The following CWF19L1 variants were observed in gnomAD, a reference collection of about 807,000 sequenced individuals.
CWF19L1 encodes the protein CWF19-like protein 1.
A neutral mutation model predicts 69.7 loss-of-function variants in CWF19L1; 60 were observed. The ratio of observed to expected loss-of-function variants is 0.86; its 90% CI spans 0.70 to 1.07. The LOEUF (loss-of-function observed/expected upper bound fraction) is 1.07, where lower values mean the gene tolerates loss of function less well. CWF19L1 is among the 50% of genes least tolerant of loss of function. The pLI is 0.00. For missense variants in CWF19L1, 591 were observed against 638.9 expected (o/e 0.92, Z 0.81); for synonymous variants, 209 against 222.2 (o/e 0.94, Z 0.53).
chr10:100,264,822 C>A lies in CWF19L1; in HGVS notation c.23+2749G>T, dbSNP rs562721542. Among the ~76,000 whole-genome samples the A allele has an allele frequency of 9.9e-5, 15 of 151,580 alleles. No homozygotes were observed. In the South Asian group the frequency reaches 3.1e-3, roughly 32 times the overall value. On this transcript the variant is annotated intron_variant, in intron 1 of 13. Coordinates refer to ENST00000354105, the MANE Select transcript of CWF19L1 (RefSeq NM_018294.6). The stretch of plus-strand genomic sequence containing the variant: ...AGACTCGTGTGTGTGTCTTAGTTTG[C>A]AACAAAACAAGTTTAAAGCCAGGCA...
At chr10:100,241,050 C>T (rs1020351095) in intron 10 of CWF19L1, among the ~76,000 whole-genome samples, 2 of 129,152 alleles carry the variant, frequency 1.5e-5, no homozygotes, top group Non-Finnish European at 3.1e-5. Context: ...TTGCTCTGTC[C>T]CCCAGGCTGG....
chr10:100,256,000 C>A (rs74749846), intron 5 of CWF19L1, among the ~76,000 whole-genome samples: 13,341 of 151,988 alleles, frequency 0.088, 1,160 homozygotes, highest in African/African-American at 0.22. Flanking sequence ...TAGGAAAGGG[C>A]ACTTGAAGCA....
At chr10:100,248,284 C>T in intron 7 of CWF19L1, 3 of 1,355,180 alleles carry the variant, frequency 2.2e-6, no homozygotes, top group Non-Finnish European at 3.1e-6. Context: ...TGTTTTGAGT[C>T]CGTTGGCAAG....
At chr10:100,235,144 C>T (rs1846389804) in intron 13 of CWF19L1, among the ~76,000 whole-genome samples, 1 of 152,224 alleles carries the variant, frequency 6.6e-6, no homozygotes, top group South Asian at 2.1e-4. Context: ...TTGGACAGTG[C>T]AGATATTTGA....
chr10:100,264,068 T>A (rs973616975), intron 1 of CWF19L1, among the ~76,000 whole-genome samples: 2 of 152,230 alleles, frequency 1.3e-5, no homozygotes, highest in African/African-American at 4.8e-5. Context: ...AAAATTCCTA[T>A]CGCCTAGTGA....
At chr10:100,264,258 T>C (rs1847497427) in intron 1 of CWF19L1, among the ~76,000 whole-genome samples, 1 of 152,198 alleles carries the variant, frequency 6.6e-6, no homozygotes. Context: ...ATATTTAGCA[T>C]GCTATGGCCA....
intron 12 of CWF19L1, among the ~76,000 whole-genome samples, chr10:100,236,184 A>G (rs1481846180): frequency 6.8e-6 from 1 of 147,794 alleles, no homozygotes; most frequent in African/African-American, 2.5e-5. Flanking sequence ...ACCTCACTGC[A>G]TCCTCAAACT....
In CWF19L1 at chr10:100,238,089, A is replaced by C. The variant is rs748693195; in HGVS notation, c.1187T>G (p.Phe396Cys). The change falls in exon 11 of 14, where the codon TTT becomes TGT. Residue 396 changes from phenylalanine to cysteine, a missense_variant. Coordinates refer to ENST00000354105, the MANE Select transcript of CWF19L1 (RefSeq NM_018294.6). ...AACACACCATTTCCCTCGACTCTTA[A>C]AGAACCGTCTCAGAGTGGCCTTATA... is the stretch of plus-strand genomic sequence containing the variant. ...EKYKATLRRFFKSRGKWCVVF... is the reference protein window; with the variant it reads ...EKYKATLRRFCKSRGKWCVVF... 1 of 1,614,160 alleles carries C rather than the reference A, an allele frequency of 6.2e-7. No individual in the cohort carries two copies. The highest frequency in any genetic ancestry group is 2.2e-5 in the East Asian group (1 of 44,888).
chr10:100,250,023 T>G, intron 7 of CWF19L1: 1 of 548,736 alleles, frequency 1.8e-6, no homozygotes, highest in South Asian at 2.2e-5. Flanking sequence ...ATATTTTGCC[T>G]TTATTCCTCT....
At chr10:100,252,846 A>C (rs531673472) in intron 6 of CWF19L1, among the ~76,000 whole-genome samples, 2 of 152,154 alleles carry the variant, frequency 1.3e-5, no homozygotes, top group Admixed American at 6.5e-5. Flanking sequence ...AAAAAAAAAA[A>C]AAGACAAAAA....
rs761723268 is a variant in CWF19L1 at position 100,243,721 on chromosome 10, A to C, written c.1021T>G (p.Leu341Val). The C allele has an allele frequency of 6.2e-7, 1 of 1,614,172 alleles. No individual in the cohort carries two copies. Among genetic ancestry groups the C allele is most frequent in the Non-Finnish European group, 8.5e-7 (1 of 1,179,988 alleles). ...ACATGTGTGCCGATGTTGACCACCA[A>C]ATGTTTTTCCACTTCAGGGCTAGCA... The part of the protein sequence containing the change: ...CLASPEVEKH[L>V]VVNIGTHCYL... The change falls in exon 10 of 14, where the codon TTG (leucine) becomes GTG (valine). Residue 341 changes from leucine to valine, a missense_variant. By Grantham distance (32) the Leu-to-Val change is conservative (BLOSUM62 1). Transcript: ENST00000354105.
intron 1 of CWF19L1, among the ~76,000 whole-genome samples, chr10:100,263,249 C>T (rs7922807): frequency 0.51 from 77,602 of 151,924 alleles, 20,624 homozygotes; most frequent in African/African-American, 0.65. Context: ...TGACCTGTCA[C>T]CTTTCTAGTA....
chr10:100,250,056 C>T lies in CWF19L1; in HGVS notation c.708+192G>A, dbSNP rs1270432298. ...TCTGGGCCTATTTTCCCAAACCCTT[C>T]TTTAAACTCTCCTACAAAAAGACCC... On this transcript the variant is annotated intron_variant, in intron 7 of 13. Coordinates refer to ENST00000354105, the MANE Select transcript of CWF19L1 (RefSeq NM_018294.6). The T allele has an allele frequency of 6.6e-6, 4 of 603,688 alleles. No homozygotes were observed. The African/African-American group carries it at 7.5e-5, about 11-fold the overall frequency. 37.4% of individuals were successfully genotyped at this position (603,688 alleles called of 1,614,324 possible).
chr10:100,236,812 AT>A (rs1564848944), intron 12 of CWF19L1, 37 bp downstream of exon 12: 1 of 1,548,826 alleles, frequency 6.5e-7, no homozygotes, highest in South Asian at 1.3e-5. Context: ...AAAAACAGAT[AT>A]TTACTCTTCC....
In CWF19L1 at chr10:100,253,486, C is replaced by T. The variant is rs147060847; in HGVS notation, c.558G>A (p.Thr186=). 20 of 1,614,016 alleles carry T rather than the reference C, an allele frequency of 1.2e-5. No individual in the cohort carries two copies. The African/African-American group carries it at 1.3e-4, about 11-fold the overall frequency. Reference sequence around the variant, plus strand: ...CAAAATGGTATCTTGGTTTCAAGCCCGTGGCAAGACTGGAAACCAAAGCAG... The same window carrying T: ...CAAAATGGTATCTTGGTTTCAAGCCTGTGGCAAGACTGGAAACCAAAGCAG... The part of the protein sequence containing the change: ...CGSALVSSLA[T]GLKPRYHFAA... The change falls in exon 6 of 14, where the codon ACG becomes ACA. Residue 186 remains threonine, a synonymous_variant. Transcript: ENST00000354105.
chr10:100,249,648 G>A (rs572071852), intron 7 of CWF19L1, among the ~76,000 whole-genome samples: 10 of 151,888 alleles, frequency 6.6e-5, no homozygotes, highest in Non-Finnish European at 1.0e-4. Flanking sequence ...GCAGTGGCCC[G>A]ATCTCAGCTC....
chr10:100,266,303 T>C (rs916181430), intron 1 of CWF19L1, among the ~76,000 whole-genome samples: 6 of 151,476 alleles, frequency 4.0e-5, no homozygotes, highest in African/African-American at 1.2e-4. Flanking sequence ...GTGGTCCACC[T>C]GCTTCAGCCT....
intron 10 of CWF19L1, among the ~76,000 whole-genome samples, chr10:100,242,049 A>G (rs1846655460): frequency 6.6e-6 from 1 of 152,218 alleles, no homozygotes; most frequent in African/African-American, 2.4e-5. Context: ...AAACACTGGT[A>G]TTATTTAATG....
chr10:100,245,025 C>CTTT (rs5787375), intron 9 of CWF19L1, among the ~76,000 whole-genome samples: 3 of 142,780 alleles, frequency 2.1e-5, no homozygotes, highest in Non-Finnish European at 3.1e-5. Flanking sequence ...AGAATATCAA[C>CTTT]TTTTTTTTTT....
Sources: allele counts gnomAD v4.1 joint callset (sites outside exome capture counted in the v4.1 genomes callset), GRCh38; gene constraint gnomAD v4.1.1; transcripts MANE v1.5; gene names NCBI Gene and HGNC (gene_info 2026-07-23, HGNC 2026-07-21).